GKAP1: variants seen among roughly 807,000 people sequenced by gnomAD.
The protein encoded by GKAP1 is G kinase anchoring protein 1.
GKAP1 carries 31 observed loss-of-function variants against 56.7 expected under a neutral mutation model. That is an observed-to-expected ratio of 0.55 (90% CI 0.41 to 0.74). GKAP1 has a LOEUF of 0.74. GKAP1 is among the 30% of genes least tolerant of loss of function. The probability of loss-of-function intolerance (pLI) is 0.00; values close to 1 mark genes in which losing one functional copy is unlikely to be tolerated. For missense variants in GKAP1, 364 were observed against 402.3 expected (o/e 0.90, Z 0.82); for synonymous variants, 151 against 138.6 (o/e 1.09, Z -0.63).
intron 8 of GKAP1, among the ~76,000 whole-genome samples, chr9:83,764,114 G>T (rs1943621441): frequency 6.6e-6 from 1 of 152,102 alleles, no homozygotes. Flanking sequence ...CATAATCAAT[G>T]AAAAAGGAAG....
intron 4 of GKAP1, among the ~76,000 whole-genome samples, chr9:83,789,605 G>T (rs1193869913): frequency 1.3e-5 from 2 of 152,002 alleles, no homozygotes; most frequent in African/African-American, 4.8e-5. Context: ...TCATTCCAAA[G>T]TCCCATGGTT....
chr9:83,812,361 T>A (rs9314724), intron 2 of GKAP1, among the ~76,000 whole-genome samples: 63,909 of 144,780 alleles, frequency 0.44, 14,886 homozygotes, highest in African/African-American at 0.61. Flanking sequence ...ATATATATAT[T>A]TTTTTTTAGA....
intron 2 of GKAP1, among the ~76,000 whole-genome samples, chr9:83,811,367 C>T (rs928194057): frequency 2.6e-5 from 4 of 152,122 alleles, no homozygotes; most frequent in Non-Finnish European, 5.9e-5. Context: ...TAACATACTA[C>T]GGAAGGAAAA....
intron 9 of GKAP1, among the ~76,000 whole-genome samples, chr9:83,750,689 T>C (rs1943374261): frequency 6.6e-6 from 1 of 152,242 alleles, no homozygotes; most frequent in Non-Finnish European, 1.5e-5. Flanking sequence ...AAAAAATCTA[T>C]TTTTTAATCT....
chr9:83,802,627 G>C (rs1251078584), intron 3 of GKAP1, among the ~76,000 whole-genome samples: 1 of 151,972 alleles, frequency 6.6e-6, no homozygotes, highest in Non-Finnish European at 1.5e-5. Flanking sequence ...CCAGGAGTTT[G>C]AGAACAGCCT....
chr9:83,806,345 TTC>T lies in GKAP1; in HGVS notation c.171_172del (p.Arg59LysfsTer10), dbSNP rs1944439566. 3 of 1,555,584 alleles carry T rather than the reference TTC, an allele frequency of 1.9e-6. No individual in the cohort carries two copies. The highest frequency in any genetic ancestry group is 2.6e-6 in the Non-Finnish European group (3 of 1,148,926). On this transcript the variant is annotated frameshift_variant, in exon 3 of 13. Transcript: ENST00000376371. LOFTEE classifies it high-confidence loss of function. ...TTGCTGTTCCTTCTTTTTTCTTCTT[TTC>T]TCTCTTTTTTTCTCATTTGTAGTTG...
Position 83,753,415 on chromosome 9 carries a change from A to G in GKAP1, c.739-56T>C. ...TTGATTATTCCGCTAATTCTGGTTTATAGTATTCCTTTGTGAAAAGTTTAA... is the reference window on the plus strand; with the variant it reads ...TTGATTATTCCGCTAATTCTGGTTTGTAGTATTCCTTTGTGAAAAGTTTAA... On this transcript the variant is annotated intron_variant, in intron 8 of 12. Transcript: ENST00000376371. 2 of 1,131,394 alleles carry G rather than the reference A, an allele frequency of 1.8e-6. 1 individual carries two copies. Among genetic ancestry groups the G allele is most frequent in the Middle Eastern group, 3.9e-4 (2 of 5,106 alleles). 70.1% of individuals were successfully genotyped at this position (1,131,394 alleles called of 1,614,324 possible).
chr9:83,812,241 ATACG>A (rs1944516439), intron 2 of GKAP1, among the ~76,000 whole-genome samples: 2 of 149,152 alleles, frequency 1.3e-5, no homozygotes, highest in East Asian at 2.0e-4. Context: ...GTATACATAT[ATACG>A]TATATATGTA....
intron 12 of GKAP1, 55 bp from the exon 13 acceptor site, chr9:83,739,799 C>T (rs1943176810): frequency 2.1e-6 from 3 of 1,424,802 alleles, no homozygotes; most frequent in Non-Finnish European, 1.9e-6. Flanking sequence ...ATTTTGGGAC[C>T]ACTTCATTTA....
chr9:83,796,147 G>C (rs1944243366), intron 4 of GKAP1, among the ~76,000 whole-genome samples: 1 of 151,682 alleles, frequency 6.6e-6, no homozygotes, highest in Non-Finnish European at 1.5e-5. Context: ...GCCCAGGCCA[G>C]TCTCAAACTC....
intron 9 of GKAP1, 157 bp from the exon 10 acceptor site, chr9:83,748,529 A>G (rs540086476): frequency 2.9e-4 from 134 of 458,942 alleles, no homozygotes; most frequent in African/African-American, 2.6e-3. Context: ...GGAACTATCT[A>G]CAACTTAAAT....
At chr9:83,797,941 A>C (rs1198691559) in intron 4 of GKAP1, among the ~76,000 whole-genome samples, 1 of 152,176 alleles carries the variant, frequency 6.6e-6, no homozygotes, top group Non-Finnish European at 1.5e-5. Context: ...GGTCATAATG[A>C]ATATTTTATA....
Position 83,749,265 on chromosome 9 carries a change from C to G in GKAP1, c.841-893G>C, listed in dbSNP as rs541757867. ...TTTTTGAGATGGAGTCTCACTCTGT[C>G]GCCCAGGCTGGAGTGCAGTAGCACG... On this transcript the variant is annotated intron_variant, in intron 9 of 12. Coordinates refer to ENST00000376371, the MANE Select transcript of GKAP1 (RefSeq NM_025211.4). 5 of 142,370 alleles carry G rather than the reference C, an allele frequency of 3.5e-5. No homozygotes were observed. In the South Asian group the frequency reaches 1.1e-3, roughly 31 times the overall value. 8.8% of individuals were successfully genotyped at this position (142,370 alleles called of 1,614,324 possible). A position where few individuals can be genotyped will look rare whatever the true frequency, so the allele number is the denominator to read the frequency against.
Position 83,741,943 on chromosome 9 carries a change from A to G in GKAP1, c.1053+9T>C. On this transcript the variant is annotated intron_variant, in intron 12 of 12. Coordinates refer to ENST00000376371, the MANE Select transcript of GKAP1 (RefSeq NM_025211.4). ...GTGATAAAAACACTTATAAATTATA[A>G]AAGCATACCTGGTATTTGGCTAACT... 6.7e-7 allele frequency: 1 copy of G among 1,493,770 alleles called. No homozygotes were observed. The highest frequency in any genetic ancestry group is 1.2e-5 in the South Asian group (1 of 85,366). The allele number at this position is 1,493,770 out of a possible 1,614,324, so 92.5% of individuals were successfully genotyped here.
At chr9:83,806,703 T>C in intron 2 of GKAP1, 143 bp from the exon 3 acceptor site, 1 of 558,030 alleles carries the variant, frequency 1.8e-6, no homozygotes, top group Non-Finnish European at 3.1e-6. Flanking sequence ...ACAGCACTAT[T>C]AGCAATAACA....
At chr9:83,752,679 G>C (rs770824988) in intron 9 of GKAP1, among the ~76,000 whole-genome samples, 23 of 152,034 alleles carry the variant, frequency 1.5e-4, no homozygotes, top group Admixed American at 1.3e-4. Context: ...ATGCCCCACT[G>C]AATTGTACAC....
intron 10 of GKAP1, among the ~76,000 whole-genome samples, chr9:83,742,955 G>A (rs950675095): frequency 9.9e-5 from 15 of 152,020 alleles, no homozygotes; most frequent in Non-Finnish European, 1.5e-5. Context: ...CCAGAAGTTG[G>A]AGACCAGCCT....
chr9:83,816,108 G>C (rs561479138), intron 2 of GKAP1, among the ~76,000 whole-genome samples: 3 of 151,042 alleles, frequency 2.0e-5, no homozygotes, highest in East Asian at 3.9e-4. Flanking sequence ...AGAGCTGCTT[G>C]AACCTGGAAG....
chr9:83,750,935 G>C (rs889570727), intron 9 of GKAP1, among the ~76,000 whole-genome samples: 1 of 151,950 alleles, frequency 6.6e-6, no homozygotes, highest in South Asian at 2.1e-4. Flanking sequence ...TTCCAGGTTC[G>C]AGCGATTCTC....
Sources: allele counts gnomAD v4.1 joint callset (sites outside exome capture counted in the v4.1 genomes callset), GRCh38; gene constraint gnomAD v4.1.1; transcripts MANE v1.5; gene names NCBI Gene and HGNC (gene_info 2026-07-23, HGNC 2026-07-21).